ZNF385D: variants seen among roughly 807,000 people sequenced by gnomAD.
ZNF385D encodes zinc finger protein 659.
In ZNF385D, 15 loss-of-function variants were observed where a neutral mutation model predicts 35.8. The observed-to-expected ratio is 0.42, with a 90% CI of 0.28 to 0.64. The LOEUF (loss-of-function observed/expected upper bound fraction) is 0.64. Ranked by LOEUF, ZNF385D falls within the 30% of genes least tolerant of loss-of-function variation. ZNF385D has a pLI of 0.23. For missense variants in ZNF385D, 474 were observed against 494.6 expected (o/e 0.96, Z 0.39); for synonymous variants, 212 against 186.8 (o/e 1.13, Z -1.10).
intron 2 of ZNF385D, among the ~76,000 whole-genome samples, chr3:22,239,770 C>T (rs1245138705): frequency 6.6e-6 from 1 of 150,882 alleles, no homozygotes; most frequent in Admixed American, 6.6e-5. Flanking sequence ...GGACTGTTCT[C>T]CAGAGAGTTA....
intron 2 of ZNF385D, among the ~76,000 whole-genome samples, chr3:22,321,977 T>G (rs573449234): frequency 3.3e-5 from 5 of 152,246 alleles, no homozygotes; most frequent in African/African-American, 1.2e-4. Flanking sequence ...CTTCCATTCC[T>G]CTCAAAATTT....
At chr3:21,996,218 GT>G (rs1695457745) in intron 3 of ZNF385D, among the ~76,000 whole-genome samples, 1 of 152,148 alleles carries the variant, frequency 6.6e-6, no homozygotes, top group South Asian at 2.1e-4. Flanking sequence ...TCCTATACTA[GT>G]CTCAGGGTCC....
chr3:21,740,873 G>A (rs956527253), intron 1 of ZNF385D, among the ~76,000 whole-genome samples: 1 of 152,172 alleles, frequency 6.6e-6, no homozygotes, highest in Non-Finnish European at 1.5e-5. Context: ...AAATGAAAAT[G>A]CAGATGCCTG....
At chr3:22,033,488 T>C (rs75480352) in intron 3 of ZNF385D, among the ~76,000 whole-genome samples, 34 of 150,968 alleles carry the variant, frequency 2.3e-4, no homozygotes, top group Non-Finnish European at 4.4e-4. Context: ...ACCAGGGAAA[T>C]CTTTTTGAAG....
intron 3 of ZNF385D, among the ~76,000 whole-genome samples, chr3:22,058,040 CTA>C (rs1699499309): frequency 6.6e-6 from 1 of 152,092 alleles, no homozygotes; most frequent in Non-Finnish European, 1.5e-5. Context: ...CACAACCAAA[CTA>C]AAACAATTCT....
At chr3:22,249,443 C>T (rs967436900) in intron 2 of ZNF385D, among the ~76,000 whole-genome samples, 1 of 152,136 alleles carries the variant, frequency 6.6e-6, no homozygotes, top group African/African-American at 2.4e-5. Flanking sequence ...ATTCAACTAA[C>T]ATTTTACAAC....
intron 1 of ZNF385D, among the ~76,000 whole-genome samples, chr3:21,694,802 T>G (rs188637415): frequency 1.6e-3 from 239 of 152,230 alleles, no homozygotes; most frequent in African/African-American, 5.6e-3. Flanking sequence ...TTACTAACTG[T>G]GTAGTGTCGG....
intron 3 of ZNF385D, among the ~76,000 whole-genome samples, chr3:21,998,762 T>A (rs900938035): frequency 2.0e-5 from 3 of 152,260 alleles, no homozygotes; most frequent in African/African-American, 7.2e-5. Context: ...ATTTCAATAC[T>A]TCAGTTATTT....
At chr3:21,884,049 C>T (rs1271979821) in intron 3 of ZNF385D, among the ~76,000 whole-genome samples, 1 of 151,908 alleles carries the variant, frequency 6.6e-6, no homozygotes, top group African/African-American at 2.4e-5. Context: ...GCATAACACA[C>T]ACAATATAAA....
chr3:22,258,460 T>A (rs1448188966), intron 2 of ZNF385D, among the ~76,000 whole-genome samples: 2 of 151,824 alleles, frequency 1.3e-5, no homozygotes, highest in African/African-American at 2.4e-5. Flanking sequence ...GTACTCTGTA[T>A]AATATCATGA....
intron 4 of ZNF385D, among the ~76,000 whole-genome samples, chr3:21,459,845 A>G (rs923943907): frequency 6.6e-6 from 1 of 152,112 alleles, no homozygotes; most frequent in Non-Finnish European, 1.5e-5. Flanking sequence ...ACAATATTCA[A>G]TTTTTATCTT....
intron 3 of ZNF385D, among the ~76,000 whole-genome samples, chr3:21,863,091 C>T (rs751103454): frequency 2.0e-5 from 3 of 152,210 alleles, no homozygotes; most frequent in South Asian, 4.1e-4. Flanking sequence ...ATAAAGTCCA[C>T]TATCCTCAAA....
At chr3:22,092,273 A>T (rs968943634) in intron 3 of ZNF385D, among the ~76,000 whole-genome samples, 1 of 152,140 alleles carries the variant, frequency 6.6e-6, no homozygotes, top group Non-Finnish European at 1.5e-5. Context: ...CTAAGGGGGA[A>T]ATTGAAGGAT....
At chr3:21,529,755 G>A (rs1051762652) in intron 3 of ZNF385D, among the ~76,000 whole-genome samples, 7 of 152,178 alleles carry the variant, frequency 4.6e-5, no homozygotes, top group East Asian at 1.9e-4. Context: ...TAGGTAAAAC[G>A]GAATGAAACT....
rs115719584 is a variant in ZNF385D, at chr3:21,661,037, A to C, written c.165+3849T>G. ...GCCACTGAAAAGAAATATTTCACAG[A>C]ATGTGGATGGAAATAACTGGGATTA... On this transcript the variant is annotated intron_variant, in intron 2 of 7. Coordinates refer to ENST00000281523, the MANE Select transcript of ZNF385D (RefSeq NM_024697.3). 4.2e-3 allele frequency among the ~76,000 whole-genome samples: 646 copies of C among 152,312 alleles called. 7 individuals carry two copies. The highest frequency in any genetic ancestry group is 0.015 in the African/African-American group (604 of 41,556).
At chr3:21,786,657 G>A (rs1312834095) in intron 3 of ZNF385D, among the ~76,000 whole-genome samples, 1 of 152,156 alleles carries the variant, frequency 6.6e-6, no homozygotes, top group Non-Finnish European at 1.5e-5. Flanking sequence ...CAGCATTAGT[G>A]GTGACAGAAT....
Position 21,558,789 on chromosome 3 carries a change from G to C in ZNF385D, c.276+5785C>G, listed in dbSNP as rs995071044. On this transcript the variant is annotated intron_variant, in intron 3 of 7. Transcript: ENST00000281523. ...GTGTGGGAATCTAAGTCTCTTTGTAGGTCTCTGAGAACTTGCTTTATGAAT... is the reference window on the plus strand; with the variant it reads ...GTGTGGGAATCTAAGTCTCTTTGTACGTCTCTGAGAACTTGCTTTATGAAT... Among the ~76,000 whole-genome samples, 9 of 152,054 alleles carry C rather than the reference G, an allele frequency of 5.9e-5. 1 individual carries two copies. In the East Asian group the frequency reaches 1.7e-3, roughly 29 times the overall value.
At chr3:21,662,229 A>G (rs2066259979) in intron 2 of ZNF385D, among the ~76,000 whole-genome samples, 1 of 152,170 alleles carries the variant, frequency 6.6e-6, no homozygotes, top group African/African-American at 2.4e-5. Flanking sequence ...TAAGCGTGGC[A>G]CAGAAAAAGC....
At chr3:21,797,940 A>T (rs768063271) in intron 3 of ZNF385D, among the ~76,000 whole-genome samples, 2 of 152,222 alleles carry the variant, frequency 1.3e-5, no homozygotes, top group Non-Finnish European at 2.9e-5. Flanking sequence ...ATACCATTAT[A>T]CATTTGTCTA....
Sources: allele counts gnomAD v4.1 joint callset (sites outside exome capture counted in the v4.1 genomes callset), GRCh38; gene constraint gnomAD v4.1.1; transcripts MANE v1.5; gene names NCBI Gene and HGNC (gene_info 2026-07-23, HGNC 2026-07-21).